The following SAMD5 variants were observed in gnomAD, a reference collection of about 807,000 sequenced individuals.
SAMD5 encodes sterile alpha motif domain-containing protein 5.
SAMD5 carries 13 observed loss-of-function variants against 11.3 expected under a neutral mutation model. The observed-to-expected ratio is 1.15, with a 90% CI of 0.75 to 1.83. SAMD5 has a LOEUF of 1.83. Ranked by LOEUF, SAMD5 falls within the 40% of genes most tolerant of loss-of-function variation. The pLI is 0.00. For synonymous variants in SAMD5, 129 were observed against 111.3 expected (o/e 1.16, Z -1.00); for missense variants, 255 against 239.1 (o/e 1.07, Z -0.44).
chr6:147,809,284 C>G, the SAMD5 span, among the ~76,000 whole-genome samples: 6 of 151,590 alleles, frequency 4.0e-5, no homozygotes, highest in African/African-American at 1.5e-4. Context: ...AGATATTATC[C>G]AGAAAGACAG....
chr6:147,875,209 C>A, the SAMD5 span, among the ~76,000 whole-genome samples: 1 of 152,142 alleles, frequency 6.6e-6, no homozygotes, highest in East Asian at 1.9e-4. Flanking sequence ...ATTATATGCA[C>A]TATTTTTCCC....
At chr6:147,534,778 G>C (rs1038082435) in intron 1 of SAMD5, among the ~76,000 whole-genome samples, 1 of 152,106 alleles carries the variant, frequency 6.6e-6, no homozygotes, top group Non-Finnish European at 1.5e-5. Flanking sequence ...GTTCAGGGAA[G>C]GTTAAAATCT....
At chr6:147,806,234 A>T in the SAMD5 span, among the ~76,000 whole-genome samples, 17 of 152,336 alleles carry the variant, frequency 1.1e-4, no homozygotes, top group African/African-American at 3.8e-4. Context: ...CTCTGACAAG[A>T]TTAATAATCT....
the SAMD5 span, among the ~76,000 whole-genome samples, chr6:147,927,023 G>T: frequency 6.6e-6 from 1 of 152,082 alleles, no homozygotes; most frequent in African/African-American, 2.4e-5. Flanking sequence ...CATGGTCTAT[G>T]TGTCTGTTTT....
At chr6:147,666,645 A>C (rs1199730021) in intron 1 of SAMD5, among the ~76,000 whole-genome samples, 2 of 152,172 alleles carry the variant, frequency 1.3e-5, no homozygotes, top group Non-Finnish European at 2.9e-5. Context: ...GATCAGATTT[A>C]AAATGAGGTG....
chr6:147,920,675 AT>A, the SAMD5 span, among the ~76,000 whole-genome samples: 1 of 152,232 alleles, frequency 6.6e-6, no homozygotes, highest in African/African-American at 2.4e-5. Context: ...ATCTGGAGCC[AT>A]CCATCCAAGG....
chr6:147,877,923 C>CTAGA, the SAMD5 span, among the ~76,000 whole-genome samples: 37 of 122,422 alleles, frequency 3.0e-4, no homozygotes, highest in South Asian at 2.5e-3. Flanking sequence ...AGCTAGCTAG[C>CTAGA]TAGATAGATA....
chr6:147,660,766 A>G (rs557030857), intron 1 of SAMD5: 1 of 152,010 alleles, frequency 6.6e-6, no homozygotes, highest in Non-Finnish European at 1.5e-5. Flanking sequence ...TTCTACCTCG[A>G]TTGAAAATTT....
intron 1 of SAMD5, among the ~76,000 whole-genome samples, chr6:147,576,112 A>C (rs1789213171): frequency 6.6e-6 from 1 of 151,632 alleles, no homozygotes; most frequent in African/African-American, 2.4e-5. Flanking sequence ...TTGGCCTTTA[A>C]ATATTAGAAT....
intron 1 of SAMD5, among the ~76,000 whole-genome samples, chr6:147,640,487 G>T (rs1275645232): frequency 2.3e-5 from 2 of 87,922 alleles, no homozygotes; most frequent in East Asian, 4.0e-4. Context: ...ACAAGAGCAA[G>T]ACTCTGTCGC....
the SAMD5 span, among the ~76,000 whole-genome samples, chr6:147,760,393 G>C: frequency 6.6e-6 from 1 of 152,100 alleles, no homozygotes; most frequent in Non-Finnish European, 1.5e-5. Flanking sequence ...CATGGAAAAT[G>C]ACCCATTATT....
At chr6:147,528,379 G>C (rs765730056) in intron 1 of SAMD5, among the ~76,000 whole-genome samples, 1 of 152,104 alleles carries the variant, frequency 6.6e-6, no homozygotes, top group South Asian at 2.1e-4. Context: ...CTTGCAAATG[G>C]CCACCTTCTT....
At chr6:147,850,121 A>G in the SAMD5 span, among the ~76,000 whole-genome samples, 2 of 152,230 alleles carry the variant, frequency 1.3e-5, no homozygotes, top group Admixed American at 6.5e-5. Context: ...TAACAGTGTC[A>G]TGAATGCTGT....
the SAMD5 span, among the ~76,000 whole-genome samples, chr6:147,877,535 A>G: frequency 6.6e-6 from 1 of 152,170 alleles, no homozygotes; most frequent in Admixed American, 6.5e-5. Flanking sequence ...TTCTGTGTCA[A>G]TTTGGCTTGG....
Position 147,729,973 on chromosome 6 carries a change from T to A in SAMD5, c.163-7344T>A, listed in dbSNP as rs150744006. ...GATGGCGTGTGCCTGTAATCCCAGC[T>A]ACTCGGGAGGCTGAGGCAGAAGAAT... is the stretch of plus-strand genomic sequence containing the variant. On this transcript the variant is annotated intron_variant, in intron 1 of 1. Coordinates refer to the SAMD5 transcript ENST00000566741. The A allele has an allele frequency of 4.6e-4, 188 of 405,542 alleles. 3 individuals are homozygous for A. Among genetic ancestry groups the A allele is most frequent in the African/African-American group, 3.6e-3 (167 of 46,954 alleles). The allele number at this position is 405,542 out of a possible 1,614,324, so 25.1% of individuals were successfully genotyped here. A position where few individuals can be genotyped will look rare whatever the true frequency, so the allele number is the denominator to read the frequency against.
At chr6:147,911,130 G>A in the SAMD5 span, among the ~76,000 whole-genome samples, 1 of 152,180 alleles carries the variant, frequency 6.6e-6, no homozygotes, top group Non-Finnish European at 1.5e-5. Flanking sequence ...TGCTTACAAA[G>A]GGATAAAATT....
intron 1 of SAMD5, among the ~76,000 whole-genome samples, chr6:147,511,748 G>A (rs1788094576): frequency 6.6e-6 from 1 of 152,064 alleles, no homozygotes; most frequent in African/African-American, 2.4e-5. Flanking sequence ...GCATACAAAT[G>A]TTTAGTACCA....
chr6:147,861,496 G>A, the SAMD5 span, among the ~76,000 whole-genome samples: 4 of 152,158 alleles, frequency 2.6e-5, no homozygotes, highest in African/African-American at 7.2e-5. Flanking sequence ...GTCACCTGGC[G>A]AGTCAGAACC....
chr6:147,716,509 C>T (rs1473997021), intron 1 of SAMD5, among the ~76,000 whole-genome samples: 2 of 152,218 alleles, frequency 1.3e-5, no homozygotes. Flanking sequence ...TCCTGGCCCC[C>T]AAGAGCACAG....
Sources: allele counts gnomAD v4.1 joint callset (sites outside exome capture counted in the v4.1 genomes callset), GRCh38; gene constraint gnomAD v4.1.1; transcripts MANE v1.5; gene names NCBI Gene and HGNC (gene_info 2026-07-23, HGNC 2026-07-21).